The following ZNF578 variants were observed in gnomAD, a reference collection of about 807,000 sequenced individuals.
ZNF578 encodes the protein Putative chemokine-related protein B42.
A neutral mutation model predicts 8.3 loss-of-function variants in ZNF578; 8 were observed. That is an observed-to-expected ratio of 0.96 (90% CI 0.56 to 1.74). The LOEUF (loss-of-function observed/expected upper bound fraction) is 1.74, where lower values mean the gene tolerates loss of function less well. Among genes scored for constraint, ZNF578 ranks in the 40% most tolerant of loss-of-function variants. The pLI is 0.00. For missense variants in ZNF578, 726 were observed against 707.5 expected (o/e 1.03, Z -0.30); for synonymous variants, 206 against 232.2 (o/e 0.89, Z 1.03).
At chr19:52,470,149 T>C (rs553624318) in intron 2 of ZNF578, among the ~76,000 whole-genome samples, 42 of 152,262 alleles carry the variant, frequency 2.8e-4, no homozygotes, top group African/African-American at 9.6e-4. Flanking sequence ...TTTCAGCCTT[T>C]GTACCTTTTT....
rs745496004 is a variant in ZNF578 at position 52,514,775 on chromosome 19, G to C, written c.*2621G>C. On this transcript the variant is annotated 3_prime_UTR_variant, in exon 6 of 6. Transcript: ENST00000421239. ...CCTCCTTGGATCAAGTGATGCTCCT[G>C]CCTCAGTCTCCTGAGGAGCTGGAAT... is the stretch of plus-strand genomic sequence containing the variant. Among the ~76,000 whole-genome samples the C allele has an allele frequency of 6.6e-6, 1 of 151,896 alleles. No homozygotes were observed. Among genetic ancestry groups the C allele is most frequent in the Non-Finnish European group, 1.5e-5 (1 of 68,012 alleles).
chr19:52,459,713 ATG>A (rs1555751309), intron 2 of ZNF578, among the ~76,000 whole-genome samples: 32 of 18,234 alleles, frequency 1.8e-3, no homozygotes, highest in South Asian at 4.6e-3. Context: ...ATATGTAGAT[ATG>A]TGTGTGTGTG....
chr19:52,480,800 G>C (rs1279449090), intron 2 of ZNF578, among the ~76,000 whole-genome samples: 2 of 151,760 alleles, frequency 1.3e-5, no homozygotes, highest in South Asian at 4.2e-4. Context: ...GGGTGGCTGA[G>C]GCAGAGAGTT....
chr19:52,499,871 G>T (rs1361218825), intron 3 of ZNF578, among the ~76,000 whole-genome samples: 1 of 152,012 alleles, frequency 6.6e-6, no homozygotes, highest in African/African-American at 2.4e-5. Flanking sequence ...AAAAATGTTT[G>T]AAGACCATGT....
At chr19:52,469,136 C>A (rs563548752) in intron 2 of ZNF578, among the ~76,000 whole-genome samples, 1 of 150,868 alleles carries the variant, frequency 6.6e-6, no homozygotes, top group Non-Finnish European at 1.5e-5. Context: ...CTGACTAATA[C>A]AGACTTTGGT....
At chr19:52,460,633 A>G (rs548945962) in intron 2 of ZNF578, among the ~76,000 whole-genome samples, 8 of 152,276 alleles carry the variant, frequency 5.3e-5, no homozygotes, top group African/African-American at 1.7e-4. Context: ...GAAGTGCAAA[A>G]ACTTTAAGTT....
intron 4 of ZNF578, 88 bp downstream of exon 4, chr19:52,501,996 A>G (rs9304729): frequency 0.32 from 480,466 of 1,518,680 alleles, 77,721 homozygotes; most frequent in African/African-American, 0.35. Flanking sequence ...ATGTATTGTA[A>G]CAGCCAGTCT....
In ZNF578 at chr19:52,498,329, G is replaced by GT. The variant is rs58765518; in HGVS notation, c.-19-3478dup. On this transcript the variant is annotated intron_variant, in intron 3 of 5. Transcript: ENST00000421239. The stretch of plus-strand genomic sequence containing the variant: ...CCACCACCACGCCTGGCTAATGTGT[G>GT]TTTTTTTTTTTTTTTTTTTTGAGAT... Among the ~76,000 whole-genome samples, 831 of 113,670 alleles carry GT rather than the reference G, an allele frequency of 7.3e-3. 13 individuals are homozygous for GT. Among genetic ancestry groups the GT allele is most frequent in the African/African-American group, 0.02 (538 of 27,378 alleles). The allele number at this position is 113,670 out of a possible 152,430, so 74.6% of individuals were successfully genotyped here. A position where few individuals can be genotyped will look rare whatever the true frequency, so the allele number is the denominator to read the frequency against.
At chr19:52,462,818 A>G (rs1455153044) in intron 2 of ZNF578, among the ~76,000 whole-genome samples, 1 of 152,138 alleles carries the variant, frequency 6.6e-6, no homozygotes, top group Non-Finnish European at 1.5e-5. Context: ...TTTTGTAGGT[A>G]CCCAAACTGG....
At chr19:52,487,879 C>T (rs1296772888) in intron 2 of ZNF578, among the ~76,000 whole-genome samples, 1 of 152,038 alleles carries the variant, frequency 6.6e-6, no homozygotes, top group African/African-American at 2.4e-5. Context: ...TGAAAGGATC[C>T]TCCTGCCTTG....
intron 2 of ZNF578, among the ~76,000 whole-genome samples, chr19:52,469,975 G>C (rs2059287103): frequency 6.6e-6 from 1 of 152,190 alleles, no homozygotes; most frequent in Non-Finnish European, 1.5e-5. Context: ...TAAGGGCATT[G>C]ATTGGGAAAG....
In ZNF578 at chr19:52,510,546, A is replaced by G. The variant is rs1984450; in HGVS notation, c.191-26A>G. On this transcript the variant is annotated intron_variant, in intron 5 of 5. Transcript: ENST00000421239. ...GATTTACCATCTGCACTTAATTGCA[A>G]ACGTATTGGTGTTTATATTTTGTAG... The G allele has an allele frequency of 0.1, 148,756 of 1,494,162 alleles. 7,834 individuals carry two copies. The highest frequency in any genetic ancestry group is 0.17 in the African/African-American group (11,900 of 71,552). 92.6% of individuals were successfully genotyped at this position (1,494,162 alleles called of 1,614,324 possible).
intron 2 of ZNF578, among the ~76,000 whole-genome samples, chr19:52,470,655 G>A (rs2059289129): frequency 6.6e-6 from 1 of 152,122 alleles, no homozygotes; most frequent in South Asian, 2.1e-4. Flanking sequence ...CAGGCAAAAG[G>A]TAGAATAAAT....
chr19:52,485,246 C>T (rs192829427), intron 2 of ZNF578, among the ~76,000 whole-genome samples: 1 of 152,316 alleles, frequency 6.6e-6, no homozygotes, highest in Admixed American at 6.5e-5. Context: ...CTAGTAAGAA[C>T]AAGGCCCCAA....
intron 2 of ZNF578, among the ~76,000 whole-genome samples, chr19:52,468,141 A>G (rs994104444): frequency 4.6e-5 from 7 of 152,208 alleles, no homozygotes; most frequent in Admixed American, 4.6e-4. Context: ...TTGTGTACAA[A>G]AACAAAAAAT....
chr19:52,455,224 AG>A (rs2059236097), intron 1 of ZNF578: 1 of 84,712 alleles, frequency 1.2e-5, no homozygotes, highest in Non-Finnish European at 2.2e-5. Flanking sequence ...TTTGAGATGG[AG>A]TTTTGCTCTT....
Position 52,513,265 on chromosome 19 carries a change from GCCCACCTCAGCCT to G in ZNF578, c.*1116_*1128del, listed in dbSNP as rs2059457024. 6.7e-6 allele frequency among the ~76,000 whole-genome samples: 1 copy of G among 148,622 alleles called. No homozygotes were observed. Among genetic ancestry groups the G allele is most frequent in the Non-Finnish European group, 1.5e-5 (1 of 67,600 alleles). ...TCAAACTCCCGATCTCAGGTGATCCGCCCACCTCAGCCTCCCAAAGTGATGAGATTACAGGCAT... is the reference window on the plus strand; with the variant it reads ...TCAAACTCCCGATCTCAGGTGATCCGCCCAAAGTGATGAGATTACAGGCAT... On this transcript the variant is annotated 3_prime_UTR_variant, in exon 6 of 6. Transcript: ENST00000421239.
intron 2 of ZNF578, among the ~76,000 whole-genome samples, chr19:52,481,791 T>G (rs1419064219): frequency 2.0e-5 from 3 of 152,088 alleles, no homozygotes; most frequent in Non-Finnish European, 4.4e-5. Flanking sequence ...AGTGCAGTGG[T>G]GTAACTTCCT....
At chr19:52,479,285 C>T (rs1485448482) in intron 2 of ZNF578, among the ~76,000 whole-genome samples, 2 of 151,910 alleles carry the variant, frequency 1.3e-5, no homozygotes, top group Non-Finnish European at 1.5e-5. Flanking sequence ...CCTGTAATCC[C>T]AGCACTTTGG....
Sources: gnomAD v4.1 joint callset for allele counts (sites outside exome capture counted in the v4.1 genomes callset) on GRCh38, gnomAD v4.1.1 for gene constraint, MANE v1.5 for transcripts, NCBI Gene and HGNC (gene_info 2026-07-23, HGNC 2026-07-21) for gene names.